GLRA3: variants seen among roughly 807,000 people sequenced by gnomAD.
GLRA3 encodes the protein glycine receptor subunit alpha-3.
In GLRA3, 44 loss-of-function variants were observed where a neutral mutation model predicts 60.4. The observed-to-expected ratio is 0.73, with a 90% confidence interval of 0.57 to 0.94. The LOEUF (loss-of-function observed/expected upper bound fraction) is 0.94. Among genes scored for constraint, GLRA3 ranks in the 40% least tolerant of loss-of-function variants. GLRA3 has a pLI of 0.00. For missense variants in GLRA3, 508 were observed against 564.6 expected (o/e 0.90, Z 1.02); for synonymous variants, 223 against 192.9 (o/e 1.16, Z -1.29).
intron 9 of GLRA3, among the ~76,000 whole-genome samples, chr4:174,650,923 T>C (rs2063530887): frequency 6.6e-6 from 1 of 152,196 alleles, no homozygotes; most frequent in African/African-American, 2.4e-5. Context: ...AAAATTGCTT[T>C]TGGCTTGAAT....
chr4:174,671,690 C>A (rs943121099), intron 7 of GLRA3, among the ~76,000 whole-genome samples: 1 of 152,082 alleles, frequency 6.6e-6, no homozygotes, highest in South Asian at 2.1e-4. Context: ...CATTCTGTCA[C>A]CCAGGCTGGA....
intron 1 of GLRA3, among the ~76,000 whole-genome samples, chr4:174,825,999 G>A (rs2111410385): frequency 6.6e-6 from 1 of 152,134 alleles, no homozygotes; most frequent in East Asian, 1.9e-4. Context: ...AAACTACATA[G>A]GAATACTGGC....
At chr4:174,703,065 T>C (rs930986324) in intron 5 of GLRA3, among the ~76,000 whole-genome samples, 2 of 152,220 alleles carry the variant, frequency 1.3e-5, no homozygotes, top group African/African-American at 4.8e-5. Flanking sequence ...ATAGCAGAAC[T>C]CAGAGAAATC....
At chr4:174,689,688 T>C (rs2111002512) in intron 5 of GLRA3, among the ~76,000 whole-genome samples, 1 of 140,282 alleles carries the variant, frequency 7.1e-6, no homozygotes. Context: ...TACAAAATGC[T>C]CTAGGCTAAC....
chr4:174,797,384 C>T (rs1739614462), intron 1 of GLRA3, among the ~76,000 whole-genome samples: 1 of 152,134 alleles, frequency 6.6e-6, no homozygotes, highest in African/African-American at 2.4e-5. Context: ...ATTAGCTTGC[C>T]TCCCACACTT....
At chr4:174,773,945 T>A (rs6837602) in intron 2 of GLRA3, among the ~76,000 whole-genome samples, 1 of 151,724 alleles carries the variant, frequency 6.6e-6, no homozygotes, top group Non-Finnish European at 1.5e-5. Context: ...ATGTTGGAGG[T>A]CCGGTGAGAG....
chr4:174,663,166 C>A (rs1453280958), intron 7 of GLRA3, among the ~76,000 whole-genome samples: 2 of 152,142 alleles, frequency 1.3e-5, no homozygotes, highest in African/African-American at 2.4e-5. Flanking sequence ...TCTCCTCCTG[C>A]ATTTTAAGTG....
chr4:174,726,768 G>A (rs1440295822), intron 4 of GLRA3, among the ~76,000 whole-genome samples: 2 of 147,348 alleles, frequency 1.4e-5, no homozygotes, highest in African/African-American at 2.5e-5. Flanking sequence ...TACTTAGCAG[G>A]TAGAATAGAA....
intron 1 of GLRA3, among the ~76,000 whole-genome samples, chr4:174,814,796 C>T (rs1740418257): frequency 6.6e-6 from 1 of 152,128 alleles, no homozygotes; most frequent in Non-Finnish European, 1.5e-5. Flanking sequence ...CCATGTCCCT[C>T]CCACAACATG....
At chr4:174,751,104 T>TATCA (rs796499011) in intron 3 of GLRA3, among the ~76,000 whole-genome samples, 16,730 of 144,804 alleles carry the variant, frequency 0.12, 1,033 homozygotes, top group Middle Eastern at 0.16. Context: ...TCTATCTATC[T>TATCA]ATCAATCATC....
chr4:174,751,822 C>A (rs1579551705), intron 3 of GLRA3, among the ~76,000 whole-genome samples: 1 of 151,914 alleles, frequency 6.6e-6, no homozygotes, highest in South Asian at 2.1e-4. Flanking sequence ...AATGCTTACC[C>A]TTTTTATGTA....
intron 1 of GLRA3, among the ~76,000 whole-genome samples, chr4:174,794,496 C>T (rs1007786387): frequency 3.9e-5 from 6 of 152,264 alleles, no homozygotes; most frequent in Non-Finnish European, 7.4e-5. Flanking sequence ...CACACACATA[C>T]ACACCACACA....
At chr4:174,690,599 A>G (rs1561057363) in intron 5 of GLRA3, among the ~76,000 whole-genome samples, 1 of 152,156 alleles carries the variant, frequency 6.6e-6, no homozygotes, top group African/African-American at 2.4e-5. Flanking sequence ...ATATTATTTC[A>G]TCACCTAGGT....
At chr4:174,817,534 C>T (rs1187422768) in intron 1 of GLRA3, among the ~76,000 whole-genome samples, 1 of 152,134 alleles carries the variant, frequency 6.6e-6, no homozygotes, top group Admixed American at 6.6e-5. Context: ...TACTTTCTTG[C>T]CGTTCAACAG....
At position 174,653,630 on chromosome 4, in the gene GLRA3, G is replaced by A. The variant is rs562501427; in HGVS notation, c.1116+3113C>T. ...TTTTAGATGAAATATTATAGAGGAC[G>A]GATAAGAAATCAATGGAATGATTTA... On this transcript the variant is annotated intron_variant, in intron 9 of 9. Transcript: ENST00000274093. 4.6e-5 allele frequency among the ~76,000 whole-genome samples: 7 copies of A among 151,822 alleles called. No individual in the cohort carries two copies. The South Asian group carries it at 6.2e-4, about 14-fold the overall frequency.
chr4:174,775,950 A>C (rs1303463503), intron 2 of GLRA3, among the ~76,000 whole-genome samples: 1 of 152,152 alleles, frequency 6.6e-6, no homozygotes, highest in African/African-American at 2.4e-5. Context: ...ATGGTTGACA[A>C]ATGAAACAGA....
At chr4:174,797,804 GC>G (rs1163531230) in intron 1 of GLRA3, among the ~76,000 whole-genome samples, 2 of 151,738 alleles carry the variant, frequency 1.3e-5, no homozygotes, top group Non-Finnish European at 2.9e-5. Context: ...GATAGCAAAC[GC>G]CTCTAGTCCC....
intron 1 of GLRA3, among the ~76,000 whole-genome samples, chr4:174,819,575 C>G (rs888789581): frequency 2.0e-5 from 3 of 152,140 alleles, no homozygotes; most frequent in African/African-American, 7.2e-5. Flanking sequence ...TACTCCTTTC[C>G]ATTCCAGAAA....
intron 9 of GLRA3, among the ~76,000 whole-genome samples, chr4:174,654,867 T>G (rs572095036): frequency 6.6e-6 from 1 of 152,064 alleles, no homozygotes; most frequent in Admixed American, 6.6e-5. Context: ...CACAGCAGGC[T>G]GGGACAGTGT....
Sources: allele counts gnomAD v4.1 joint callset (sites outside exome capture counted in the v4.1 genomes callset), GRCh38; gene constraint gnomAD v4.1.1; transcripts MANE v1.5; gene names NCBI Gene and HGNC (gene_info 2026-07-23, HGNC 2026-07-21).